The following RABGAP1L variants were observed in gnomAD, a reference collection of about 807,000 sequenced individuals.
The protein encoded by RABGAP1L is rab GTPase-activating protein 1-like.
Under a neutral mutation model 137.7 loss-of-function variants are expected in RABGAP1L, and 63 were observed. The ratio of observed to expected loss-of-function variants is 0.46; its 90% CI spans 0.37 to 0.56. The LOEUF (loss-of-function observed/expected upper bound fraction) is 0.56, where lower values mean the gene tolerates loss of function less well. RABGAP1L is among the 20% of genes least tolerant of loss of function. RABGAP1L has a pLI of 0.00. For missense variants in RABGAP1L, 1,095 were observed against 1,244.0 expected (o/e 0.88, Z 1.80); for synonymous variants, 431 against 433.7 (o/e 0.99, Z 0.08).
chr1:174,542,059 T>A (rs1430309962), intron 13 of RABGAP1L, among the ~76,000 whole-genome samples: 1 of 152,182 alleles, frequency 6.6e-6, no homozygotes. Context: ...ATTCTCTTTT[T>A]TTGTTGTGTC....
chr1:174,910,652 T>C (rs1469693002), intron 19 of RABGAP1L, among the ~76,000 whole-genome samples: 1 of 152,174 alleles, frequency 6.6e-6, no homozygotes, highest in Admixed American at 6.5e-5. Flanking sequence ...ATCTTACTCA[T>C]AGAAAAACCT....
chr1:174,305,008 A>G lies in RABGAP1L; in HGVS notation c.1346A>G (p.Asn449Ser), dbSNP rs142728115. ...CAGTCTGAGGGAAAAGGCCATACCA[A>G]TGCTGGAGATGCAATATATGAGGTG... ...LKQSEGKGHT[N>S]AGDAIYEVVS... is the part of the protein sequence containing the mutation. The change falls in exon 11 of 26, where the codon AAT becomes AGT. Residue 449 changes from asparagine (N) to serine (S), a missense_variant. Coordinates refer to ENST00000681986, the MANE Select transcript of RABGAP1L (RefSeq NM_001366446.1). 3.2e-6 allele frequency: 5 copies of G among 1,557,674 alleles called. No individual in the cohort carries two copies. The South Asian group carries it at 4.9e-5, about 15-fold the overall frequency.
chr1:174,336,969 TTC>T (rs1681539526), intron 11 of RABGAP1L, among the ~76,000 whole-genome samples: 1 of 152,042 alleles, frequency 6.6e-6, no homozygotes, highest in Non-Finnish European at 1.5e-5. Context: ...ACATTATGTA[TTC>T]TGACAAATTA....
chr1:174,578,667 A>C (rs1668536968), intron 13 of RABGAP1L, among the ~76,000 whole-genome samples: 1 of 152,210 alleles, frequency 6.6e-6, no homozygotes, highest in South Asian at 2.1e-4. Context: ...TCCACTGTAA[A>C]GTGTTACCTA....
chr1:174,354,192 T>C (rs959917269), intron 11 of RABGAP1L, among the ~76,000 whole-genome samples: 5 of 152,040 alleles, frequency 3.3e-5, no homozygotes, highest in African/African-American at 9.7e-5. Flanking sequence ...TTAGTTACGT[T>C]TGAGCTATCT....
chr1:174,452,298 A>G (rs1379832961), intron 13 of RABGAP1L, among the ~76,000 whole-genome samples: 1 of 152,172 alleles, frequency 6.6e-6, no homozygotes, highest in Non-Finnish European at 1.5e-5. Context: ...AGAGTGTTGG[A>G]AAGCTTCATA....
At chr1:174,788,373 G>C (rs1001387269) in intron 18 of RABGAP1L, among the ~76,000 whole-genome samples, 2 of 152,182 alleles carry the variant, frequency 1.3e-5, no homozygotes, top group Non-Finnish European at 2.9e-5. Context: ...TTATACAAAG[G>C]AGGTCATAGC....
intron 19 of RABGAP1L, among the ~76,000 whole-genome samples, chr1:174,870,866 T>C (rs1652074202): frequency 6.6e-6 from 1 of 151,596 alleles, no homozygotes; most frequent in South Asian, 2.1e-4. Flanking sequence ...GCCTCCTGAG[T>C]AGCTGGGACT....
rs79274344 is a variant in RABGAP1L at position 174,329,040 on chromosome 1, A to C, written c.1465+23913A>C. Among the ~76,000 whole-genome samples the C allele has an allele frequency of 4.4e-3, 375 of 84,600 alleles. 7 individuals are homozygous for C. The highest frequency in any genetic ancestry group is 0.039 in the South Asian group (136 of 3,492). 55.5% of individuals were successfully genotyped at this position (84,600 alleles called of 152,430 possible). On this transcript the variant is annotated intron_variant, in intron 11 of 25. Transcript: ENST00000681986. Reference sequence around the variant, plus strand: ...AAATGAAATAAAGACTTAAAAATACAAAAAAAAAAACCCAGGAAACAAAAG... The same window carrying C: ...AAATGAAATAAAGACTTAAAAATACCAAAAAAAAAACCCAGGAAACAAAAG...
At chr1:174,504,636 C>T (rs1301748134) in intron 13 of RABGAP1L, among the ~76,000 whole-genome samples, 1 of 152,068 alleles carries the variant, frequency 6.6e-6, no homozygotes, top group Non-Finnish European at 1.5e-5. Flanking sequence ...AAGACAGTCT[C>T]TTCAATAAAT....
intron 19 of RABGAP1L, among the ~76,000 whole-genome samples, chr1:174,854,581 C>T (rs1030125259): frequency 3.3e-5 from 5 of 151,640 alleles, no homozygotes; most frequent in African/African-American, 4.9e-5. Flanking sequence ...CTAGTTTCAG[C>T]TCAGGAAATC....
intron 19 of RABGAP1L, among the ~76,000 whole-genome samples, chr1:174,921,365 CCT>C (rs1317090832): frequency 6.6e-6 from 1 of 152,116 alleles, no homozygotes; most frequent in Admixed American, 6.5e-5. Context: ...TTCCCATTGC[CCT>C]CTCTCTTACA....
intron 14 of RABGAP1L, among the ~76,000 whole-genome samples, chr1:174,674,658 G>A (rs1478564576): frequency 3.3e-5 from 5 of 150,654 alleles, no homozygotes; most frequent in East Asian, 2.0e-4. Context: ...CTGAGGAATC[G>A]CCACACTGAC....
intron 14 of RABGAP1L, among the ~76,000 whole-genome samples, chr1:174,672,855 G>A (rs1572755581): frequency 6.6e-6 from 1 of 152,150 alleles, no homozygotes; most frequent in East Asian, 1.9e-4. Context: ...ATCTTTCATG[G>A]GAAAGGGGAA....
chr1:174,192,978 TAAAAC>T (rs990259999), intron 1 of RABGAP1L, among the ~76,000 whole-genome samples: 1 of 152,198 alleles, frequency 6.6e-6, no homozygotes, highest in Non-Finnish European at 1.5e-5. Flanking sequence ...CTATATTAAA[TAAAAC>T]AAATTAACTC....
chr1:174,529,413 A>G (rs1482742933), intron 13 of RABGAP1L, among the ~76,000 whole-genome samples: 1 of 152,110 alleles, frequency 6.6e-6, no homozygotes, highest in East Asian at 1.9e-4. Flanking sequence ...TGTAAACAAC[A>G]CCAGTGGTGT....
intron 19 of RABGAP1L, among the ~76,000 whole-genome samples, chr1:174,938,743 A>G (rs1665321622): frequency 6.6e-6 from 1 of 152,192 alleles, no homozygotes. Flanking sequence ...AACAGCTGCA[A>G]TCTGTTAGTG....
At chr1:174,799,085 C>T (rs1381412432) in intron 18 of RABGAP1L, among the ~76,000 whole-genome samples, 2 of 152,180 alleles carry the variant, frequency 1.3e-5, no homozygotes, top group African/African-American at 4.8e-5. Context: ...TTATCAAGGT[C>T]TGTGGCATAC....
intron 13 of RABGAP1L, chr1:174,548,182 A>G (rs147937738): frequency 9.6e-6 from 14 of 1,452,356 alleles, no homozygotes; most frequent in Non-Finnish European, 1.3e-5. Context: ...ACCTGTGTGC[A>G]TAATCTCTCA....
Sources: gnomAD v4.1 joint callset for allele counts (sites outside exome capture counted in the v4.1 genomes callset) on GRCh38, gnomAD v4.1.1 for gene constraint, MANE v1.5 for transcripts, NCBI Gene and HGNC (gene_info 2026-07-23, HGNC 2026-07-21) for gene names.